STPG2: variants seen among roughly 807,000 people sequenced by gnomAD.
STPG2 encodes sperm tail PG-rich repeat containing 2.
STPG2 carries 56 observed loss-of-function variants against 54.2 expected under a neutral mutation model. The ratio of observed to expected loss-of-function variants is 1.03; its 90% CI spans 0.83 to 1.29. STPG2 has a LOEUF of 1.29. Among genes scored for constraint, STPG2 ranks in the 50% most tolerant of loss-of-function variants. STPG2 has a pLI of 0.00. For missense variants in STPG2, 596 were observed against 544.9 expected (o/e 1.09, Z -0.93); for synonymous variants, 200 against 181.8 (o/e 1.10, Z -0.81).
chr4:97,491,606 G>T (rs1193718804), intron 4 of STPG2, among the ~76,000 whole-genome samples: 1 of 151,474 alleles, frequency 6.6e-6, no homozygotes, highest in Non-Finnish European at 1.5e-5. Context: ...AGGGATAGGA[G>T]AATGCTTAGC....
intron 8 of STPG2, among the ~76,000 whole-genome samples, chr4:97,899,116 C>T (rs527259662): frequency 1.3e-5 from 2 of 151,970 alleles, no homozygotes; most frequent in African/African-American, 4.8e-5. Flanking sequence ...TAAACAACTA[C>T]ACCAAACTTT....
At position 97,657,624 on chromosome 4, in the gene STPG2, G is replaced by T. The variant is rs899442341; in HGVS notation, c.1320+55075C>A. 1.5e-4 allele frequency among the ~76,000 whole-genome samples: 22 copies of T among 149,536 alleles called. No homozygotes were observed. The South Asian group carries it at 4.7e-3, about 32-fold the overall frequency. ...CCTCAGTCTGCCTTGCTCAAGAATTGACCGATATCTACTCCTCAACTAATA... is the reference window on the plus strand; with the variant it reads ...CCTCAGTCTGCCTTGCTCAAGAATTTACCGATATCTACTCCTCAACTAATA... On this transcript the variant is annotated intron_variant, in intron 10 of 10. Transcript: ENST00000295268.
In STPG2 at chr4:97,873,031, G is replaced by A. The variant is rs116075095; in HGVS notation, c.1045-32099C>T. ...AGAACTAGGTATGTTCATTGCTACT[G>A]GGACCCTTTCAGCACACAGAGCTAG... On this transcript the variant is annotated intron_variant, in intron 8 of 10. Transcript: ENST00000295268. Among the ~76,000 whole-genome samples the A allele has an allele frequency of 5.9e-3, 893 of 151,316 alleles. 9 individuals carry two copies. Among genetic ancestry groups the A allele is most frequent in the African/African-American group, 0.021 (854 of 41,426 alleles).
intron 9 of STPG2, among the ~76,000 whole-genome samples, chr4:97,724,324 G>T (rs1230852599): frequency 6.6e-6 from 1 of 152,088 alleles, no homozygotes; most frequent in Non-Finnish European, 1.5e-5. Context: ...ATTAAGAAAA[G>T]TAAAACTGAT....
intron 4 of STPG2, among the ~76,000 whole-genome samples, chr4:97,501,333 C>T (rs1195446154): frequency 6.6e-6 from 1 of 151,386 alleles, no homozygotes; most frequent in Non-Finnish European, 1.5e-5. Context: ...AAATAGCATA[C>T]ATGAACTATG....
intron 10 of STPG2, among the ~76,000 whole-genome samples, chr4:97,677,711 C>A (rs577835931): frequency 4.5e-4 from 68 of 152,336 alleles, no homozygotes; most frequent in Non-Finnish European, 7.5e-4. Flanking sequence ...TCGAGAACAA[C>A]CATCTTGAAC....
chr4:97,707,937 C>A (rs10019787), intron 10 of STPG2, among the ~76,000 whole-genome samples: 1 of 151,948 alleles, frequency 6.6e-6, no homozygotes, highest in Non-Finnish European at 1.5e-5. Flanking sequence ...TTTTACCAAA[C>A]AAGCATGCAA....
Position 97,968,240 on chromosome 4 carries a change from G to A in STPG2, c.933+4040C>T, listed in dbSNP as rs1045939461. The stretch of plus-strand genomic sequence containing the variant: ...GAGAATACTATAAACACCTCTACAC[G>A]AATTTTGAATCACTGAATCGACCAA... On this transcript the variant is annotated intron_variant, in intron 7 of 10. Transcript: ENST00000295268. Among the ~76,000 whole-genome samples the A allele has an allele frequency of 4.0e-5, 6 of 150,268 alleles. No homozygotes were observed. In the Middle Eastern group the frequency reaches 0.01, roughly 257 times the overall value.
intron 9 of STPG2, among the ~76,000 whole-genome samples, chr4:97,755,641 C>T (rs951667806): frequency 6.6e-6 from 1 of 152,118 alleles, no homozygotes; most frequent in Non-Finnish European, 1.5e-5. Flanking sequence ...TGTGCATACC[C>T]AAATTTGACC....
chr4:98,026,558 C>T (rs1357557319), intron 5 of STPG2, among the ~76,000 whole-genome samples: 3 of 152,142 alleles, frequency 2.0e-5, no homozygotes, highest in African/African-American at 7.2e-5. Context: ...CTGCTAGTGA[C>T]ATGCTGGAGG....
intron 8 of STPG2, among the ~76,000 whole-genome samples, chr4:97,901,833 C>A (rs998371493): frequency 2.0e-5 from 3 of 151,772 alleles, no homozygotes; most frequent in Non-Finnish European, 4.4e-5. Context: ...TATGGAGCCA[C>A]AAAAGACTCC....
intron 7 of STPG2, among the ~76,000 whole-genome samples, 157 bp downstream of exon 7, chr4:97,972,123 A>C (rs572387803): frequency 6.6e-6 from 1 of 152,266 alleles, no homozygotes; most frequent in East Asian, 1.9e-4. Context: ...CTATTATGTA[A>C]TATGTTCAAT....
intron 3 of STPG2, among the ~76,000 whole-genome samples, chr4:98,119,900 C>T (rs1401624217): frequency 6.6e-6 from 1 of 152,130 alleles, no homozygotes; most frequent in Non-Finnish European, 1.5e-5. Context: ...CATGTCCCTG[C>T]AAAGGACATG....
intron 9 of STPG2, among the ~76,000 whole-genome samples, chr4:97,836,227 T>C (rs748656643): frequency 6.6e-6 from 1 of 151,942 alleles, no homozygotes; most frequent in Non-Finnish European, 1.5e-5. Flanking sequence ...GTTAATTTCA[T>C]TGTTGTCTTA....
At chr4:97,634,008 C>A (rs574544593) in intron 10 of STPG2, among the ~76,000 whole-genome samples, 17 of 152,326 alleles carry the variant, frequency 1.1e-4, no homozygotes, top group African/African-American at 4.1e-4. Flanking sequence ...AGGAGGCCTG[C>A]GTGCCTCTCT....
intron 4 of STPG2, among the ~76,000 whole-genome samples, chr4:97,461,349 A>G (rs1015078332): frequency 3.3e-5 from 5 of 152,308 alleles, no homozygotes; most frequent in Middle Eastern, 3.4e-3. Context: ...TCACCCAAAA[A>G]TCATATGTTG....
intron 10 of STPG2, among the ~76,000 whole-genome samples, chr4:97,637,752 A>C (rs1012790431): frequency 5.3e-5 from 8 of 152,138 alleles, no homozygotes; most frequent in Non-Finnish European, 1.0e-4. Context: ...AATTGCTTCA[A>C]AGAGAATAAA....
intron 10 of STPG2, among the ~76,000 whole-genome samples, chr4:97,571,380 T>C (rs972772586): frequency 6.6e-6 from 1 of 152,078 alleles, no homozygotes; most frequent in Non-Finnish European, 1.5e-5. Flanking sequence ...TTTCAGGCCA[T>C]GAAGGGAAGT....
At chr4:97,889,684 AAG>A (rs1463446881) in intron 8 of STPG2, among the ~76,000 whole-genome samples, 2 of 152,170 alleles carry the variant, frequency 1.3e-5, no homozygotes, top group Admixed American at 6.5e-5. Flanking sequence ...GTTTGGGGGA[AAG>A]AGAGTTTTGG....
Sources: allele counts gnomAD v4.1 joint callset (sites outside exome capture counted in the v4.1 genomes callset), GRCh38; gene constraint gnomAD v4.1.1; transcripts MANE v1.5; gene names NCBI Gene and HGNC (gene_info 2026-07-23, HGNC 2026-07-21).